ESR1: variants seen among roughly 807,000 people sequenced by gnomAD.
ESR1 encodes estrogen receptor 1, also known as estrogen receptor.
A neutral mutation model predicts 52.7 loss-of-function variants in ESR1; 12 were observed. That is an observed-to-expected ratio of 0.23 (90% CI 0.15 to 0.37). The LOEUF is 0.37. ESR1 is among the 10% of genes least tolerant of loss of function. The pLI is 1.00. For synonymous variants in ESR1, 305 were observed against 316.8 expected (o/e 0.96, Z 0.39); for missense variants, 584 against 779.7 (o/e 0.75, Z 2.99).
At chr6:152,093,770 T>C (rs560149614) in intron 6 of ESR1, among the ~76,000 whole-genome samples, 1 of 152,320 alleles carries the variant, frequency 6.6e-6, no homozygotes, top group Non-Finnish European at 1.5e-5. Context: ...ACTTCAAACT[T>C]GATCTAAAAC....
chr6:151,802,759 C>T (rs750719447), upstream of ESR1, among the ~76,000 whole-genome samples: 15 of 152,118 alleles, frequency 9.9e-5, no homozygotes, highest in Non-Finnish European at 1.6e-4. Context: ...GAGGTTGAGG[C>T]GGGTGGATCA....
chr6:151,751,772 A>G (rs1228928430), intron 2 of ESR1, among the ~76,000 whole-genome samples: 1 of 152,200 alleles, frequency 6.6e-6, no homozygotes, highest in Non-Finnish European at 1.5e-5. Flanking sequence ...ATTTTCCAAA[A>G]CTATAATGTA....
chr6:151,737,351 A>C (rs1157507009), intron 2 of ESR1, among the ~76,000 whole-genome samples: 2 of 152,196 alleles, frequency 1.3e-5, no homozygotes, highest in Non-Finnish European at 2.9e-5. Flanking sequence ...AATTGTCCTC[A>C]AGAAACATTG....
At chr6:151,998,975 C>T (rs1185283620) in intron 4 of ESR1, among the ~76,000 whole-genome samples, 1 of 152,048 alleles carries the variant, frequency 6.6e-6, no homozygotes, top group African/African-American at 2.4e-5. Context: ...GACAGTCCAA[C>T]AGAGTTACAT....
chr6:151,954,867 C>G (rs148995067), intron 4 of ESR1, among the ~76,000 whole-genome samples: 3 of 152,096 alleles, frequency 2.0e-5, no homozygotes, highest in African/African-American at 7.2e-5. Flanking sequence ...GAGATATAAC[C>G]TGAAAAATAT....
intron 1 of ESR1, among the ~76,000 whole-genome samples, chr6:151,677,880 G>T (rs1778306047): frequency 6.6e-6 from 1 of 152,184 alleles, no homozygotes; most frequent in Non-Finnish European, 1.5e-5. Context: ...TGCTGAAACT[G>T]CTTCTCAGGG....
intron 4 of ESR1, among the ~76,000 whole-genome samples, chr6:152,007,954 C>A (rs2042460798): frequency 6.6e-6 from 1 of 152,126 alleles, no homozygotes; most frequent in Non-Finnish European, 1.5e-5. Flanking sequence ...CATATCAGAA[C>A]ATTCTTCCTG....
intron 4 of ESR1, among the ~76,000 whole-genome samples, chr6:151,967,077 A>G (rs2038351487): frequency 6.6e-6 from 1 of 152,152 alleles, no homozygotes; most frequent in African/African-American, 2.4e-5. Flanking sequence ...TGATCCCACC[A>G]TTCTCCTTTT....
chr6:152,104,084 G>A (rs1053717342), downstream of ESR1, among the ~76,000 whole-genome samples: 11 of 147,994 alleles, frequency 7.4e-5, 1 homozygote, highest in African/African-American at 1.8e-4. Context: ...GCCTGGAAGG[G>A]TTCTTTTATG....
chr6:151,828,645 T>C (rs1307782025), intron 1 of ESR1, among the ~76,000 whole-genome samples: 1 of 152,128 alleles, frequency 6.6e-6, no homozygotes, highest in Non-Finnish European at 1.5e-5. Flanking sequence ...ATGTAGGTGT[T>C]ACTCTAAGTC....
intron 2 of ESR1, among the ~76,000 whole-genome samples, chr6:151,855,211 G>A (rs1787598891): frequency 6.6e-6 from 1 of 152,166 alleles, no homozygotes; most frequent in Admixed American, 6.5e-5. Flanking sequence ...ACTGTGCCTG[G>A]CTCGTTTTAA....
chr6:151,899,027 G>T (rs545994391), intron 3 of ESR1, among the ~76,000 whole-genome samples: 34 of 151,004 alleles, frequency 2.3e-4, no homozygotes, highest in African/African-American at 7.8e-4. Context: ...CCGGGCGGGG[G>T]GCTGAACCCC....
intron 4 of ESR1, among the ~76,000 whole-genome samples, chr6:152,009,854 C>T (rs201469533): frequency 2.6e-5 from 4 of 152,076 alleles, no homozygotes; most frequent in East Asian, 1.9e-4. Flanking sequence ...AAGGATACAT[C>T]GTATTTATTT....
At chr6:151,746,072 T>C (rs904555849) in intron 2 of ESR1, among the ~76,000 whole-genome samples, 2 of 152,174 alleles carry the variant, frequency 1.3e-5, no homozygotes, top group Admixed American at 6.5e-5. Flanking sequence ...TAATACTCCA[T>C]TTTGTCTCTA....
intron 2 of ESR1, among the ~76,000 whole-genome samples, chr6:151,765,049 AG>A (rs1476676065): frequency 6.6e-6 from 1 of 152,250 alleles, no homozygotes; most frequent in African/African-American, 2.4e-5. Flanking sequence ...AGCCAATAAA[AG>A]TAATTTTAAT....
At chr6:151,947,876 T>C (rs1423365629) in intron 4 of ESR1, among the ~76,000 whole-genome samples, 1 of 150,490 alleles carries the variant, frequency 6.6e-6, no homozygotes, top group Non-Finnish European at 1.5e-5. Context: ...ATGTTTTTTT[T>C]ATAACACATA....
chr6:151,969,407 A>AT (rs897790528), intron 4 of ESR1, among the ~76,000 whole-genome samples: 18 of 152,100 alleles, frequency 1.2e-4, no homozygotes, highest in African/African-American at 4.1e-4. Context: ...TCTATATTCC[A>AT]TTTTTCTAAA....
chr6:151,663,820 G>A (rs1777721867), intron 1 of ESR1, among the ~76,000 whole-genome samples: 1 of 152,170 alleles, frequency 6.6e-6, no homozygotes, highest in Non-Finnish European at 1.5e-5. Context: ...CAAAGCACCT[G>A]TTGTTCCTGA....
At chr6:151,657,988 AC>A (rs1777513555) in intron 1 of ESR1, among the ~76,000 whole-genome samples, 2 of 152,198 alleles carry the variant, frequency 1.3e-5, no homozygotes, top group African/African-American at 4.8e-5. Context: ...ATCCCAAAAA[AC>A]ATTGGAAAAT....
Sources: allele counts gnomAD v4.1 joint callset (sites outside exome capture counted in the v4.1 genomes callset), GRCh38; gene constraint gnomAD v4.1.1; transcripts MANE v1.5; gene names NCBI Gene and HGNC (gene_info 2026-07-23, HGNC 2026-07-21).